The following PCDHA8 variants were observed in gnomAD, a reference collection of about 807,000 sequenced individuals.
The protein encoded by PCDHA8 is protocadherin alpha 8, also known as protocadherin alpha-8.
Under a neutral mutation model 61.8 loss-of-function variants are expected in PCDHA8, and 53 were observed. The observed-to-expected ratio is 0.86, with a 90% CI of 0.69 to 1.08. The LOEUF (loss-of-function observed/expected upper bound fraction) is 1.08, where lower values mean the gene tolerates loss of function less well. PCDHA8 is among the 50% of genes least tolerant of loss of function. The probability of loss-of-function intolerance (pLI) is 0.00; values close to 1 mark genes in which losing one functional copy is unlikely to be tolerated. For missense variants in PCDHA8, 1,293 were observed against 1,245.0 expected, an observed-to-expected ratio of 1.04 and a Z score of -0.58; for synonymous variants, 618 against 556.6, an observed-to-expected ratio of 1.11 and a Z score of -1.55.
At chr5:140,906,693 G>T (rs887867103) in intron 1 of PCDHA8, among the ~76,000 whole-genome samples, 3 of 152,082 alleles carry the variant, frequency 2.0e-5, no homozygotes, top group African/African-American at 7.2e-5. Flanking sequence ...GAAGGATCTG[G>T]GCCATTTGTA....
At chr5:140,850,455 C>T (rs2150484906) in intron 1 of PCDHA8, 1 of 1,597,620 alleles carries the variant, frequency 6.3e-7, no homozygotes, top group Admixed American at 1.7e-5. Context: ...GGTGAAAGAC[C>T]ACGGGGAGCC....
intron 1 of PCDHA8, chr5:140,861,357 G>A (rs560903391): frequency 3.0e-5 from 10 of 335,976 alleles, no homozygotes; most frequent in East Asian, 7.7e-5. Context: ...GGCACATAGC[G>A]TCTTCGCGGT....
At chr5:140,852,188 C>A in intron 1 of PCDHA8, 1 of 732,160 alleles carries the variant, frequency 1.4e-6, no homozygotes, top group Non-Finnish European at 1.7e-6. Flanking sequence ...TATGAAAATG[C>A]CAGTAACGTT....
At chr5:140,938,878 C>T (rs1324581693) in intron 1 of PCDHA8, among the ~76,000 whole-genome samples, 3 of 151,098 alleles carry the variant, frequency 2.0e-5, no homozygotes, top group Admixed American at 1.3e-4. Context: ...TAAGAAGCAA[C>T]ACACACACAC....
intron 3 of PCDHA8, among the ~76,000 whole-genome samples, chr5:140,990,473 C>G (rs1268910696): frequency 6.6e-6 from 1 of 152,186 alleles, no homozygotes; most frequent in Non-Finnish European, 1.5e-5. Flanking sequence ...TATCATGTAT[C>G]AAGCTGAATA....
chr5:140,909,254 G>T (rs915513119), intron 1 of PCDHA8, among the ~76,000 whole-genome samples: 1 of 152,216 alleles, frequency 6.6e-6, no homozygotes, highest in Non-Finnish European at 1.5e-5. Context: ...TGCTGGCCTT[G>T]CTGACTGAAG....
Position 140,947,404 on chromosome 5 carries a change from T to C in PCDHA8, c.2395-31545T>C, listed in dbSNP as rs1305199507. On this transcript the variant is annotated intron_variant, in intron 1 of 3. Transcript: ENST00000531613. ...ATCCTTTCACTAAAAGTAGACTGTC[T>C]TGATATTGTAGCTTTATAAATTTGA... is the stretch of plus-strand genomic sequence containing the variant. Among the ~76,000 whole-genome samples the C allele has an allele frequency of 2.6e-5, 4 of 151,736 alleles. No individual in the cohort carries two copies. In the East Asian group the frequency reaches 5.8e-4, roughly 22 times the overall value.
At chr5:140,914,562 C>A (rs2076761052) in intron 1 of PCDHA8, among the ~76,000 whole-genome samples, 1 of 152,190 alleles carries the variant, frequency 6.6e-6, no homozygotes, top group East Asian at 1.9e-4. Flanking sequence ...AGAGTTTAGT[C>A]CATTTACATT....
chr5:140,981,260 T>C (rs975813904), intron 2 of PCDHA8, among the ~76,000 whole-genome samples: 11 of 152,324 alleles, frequency 7.2e-5, no homozygotes, highest in African/African-American at 2.4e-4. Flanking sequence ...ACTTTCAAGA[T>C]AAGCAAATGT....
chr5:140,941,260 T>TCTTTCTTTCTTC (rs2092990214), intron 1 of PCDHA8, among the ~76,000 whole-genome samples: 2 of 138,280 alleles, frequency 1.4e-5, no homozygotes, highest in Admixed American at 1.5e-4. Flanking sequence ...TCTTTCTCTT[T>TCTTTCTTTCTTC]CTTTCTTTCT....
chr5:140,871,094 T>A, intron 1 of PCDHA8: 3 of 1,613,260 alleles, frequency 1.9e-6, no homozygotes, highest in Non-Finnish European at 2.5e-6. Context: ...ACGGCCACCG[T>A]GCTGGTGTCG....
chr5:140,944,664 T>A (rs2093679523), intron 1 of PCDHA8, among the ~76,000 whole-genome samples: 1 of 152,202 alleles, frequency 6.6e-6, no homozygotes, highest in South Asian at 2.1e-4. Context: ...ACCCCTTATT[T>A]ATCTATTCTG....
At chr5:140,851,846 T>C in intron 1 of PCDHA8, 1 of 970,670 alleles carries the variant, frequency 1.0e-6, no homozygotes, top group Non-Finnish European at 1.2e-6. Context: ...TATCTTTTTC[T>C]CCTCTCAGCT....
rs151299460 is a variant in PCDHA8, at chr5:140,849,914, C to T, written c.2394+6199C>T. On this transcript the variant is annotated intron_variant, in intron 1 of 3. Coordinates refer to ENST00000531613, the MANE Select transcript of PCDHA8 (RefSeq NM_018911.3). ...AGGAGAACAACCCGCCGGGCTGCCA[C>T]ATCTTCACGGTGTCTGCGCGGGACG... is the stretch of plus-strand genomic sequence containing the variant. 4.8e-4 allele frequency: 771 copies of T among 1,598,354 alleles called. 44 individuals are homozygous for T. The African/African-American group carries it at 9.1e-3, about 19-fold the overall frequency.
intron 1 of PCDHA8, chr5:140,852,983 A>T (rs1409156147): frequency 3.0e-6 from 1 of 337,908 alleles, no homozygotes; most frequent in Non-Finnish European, 4.4e-6. Context: ...TGTTCACGCC[A>T]TTCTCCTGCC....
chr5:140,841,339 A>T lies in PCDHA8; in HGVS notation c.18A>T (p.Arg6=). 1 of 1,610,480 alleles carries T rather than the reference A, an allele frequency of 6.2e-7. No homozygotes were observed. Among genetic ancestry groups the T allele is most frequent in the Non-Finnish European group, 8.5e-7 (1 of 1,177,908 alleles). The change falls in exon 1 of 4, where the codon CGA becomes CGT. Residue 6 remains arginine, a synonymous_variant. Coordinates refer to ENST00000531613, the MANE Select transcript of PCDHA8 (RefSeq NM_018911.3). MDYHW[R]GELGSWRLLL... ...TATTTAACATGGATTATCACTGGCG[A>T]GGAGAGCTGGGATCCTGGCGACTAC...
chr5:140,978,680 T>C (rs2096816388), intron 1 of PCDHA8, among the ~76,000 whole-genome samples: 1 of 152,240 alleles, frequency 6.6e-6, no homozygotes, highest in Non-Finnish European at 1.5e-5. Context: ...CAGACATGTA[T>C]TGGGCAAGGC....
rs2150441857 is a variant in PCDHA8 at position 140,849,593 on chromosome 5, G to T, written c.2394+5878G>T. ...CTGTAAAAGAGGACGCACAACTGGGGACAGTTATTGCCCTGATTAGTGTGA... is the reference window on the plus strand; with the variant it reads ...CTGTAAAAGAGGACGCACAACTGGGTACAGTTATTGCCCTGATTAGTGTGA... On this transcript the variant is annotated intron_variant, in intron 1 of 3. Transcript: ENST00000531613. The T allele has an allele frequency of 3.0e-5, 48 of 1,598,606 alleles. 4 individuals carry two copies. Among genetic ancestry groups the T allele is most frequent in the African/African-American group, 1.1e-4 (8 of 74,332 alleles).
chr5:140,987,120 A>G (rs1224513029), intron 3 of PCDHA8, among the ~76,000 whole-genome samples: 9 of 151,956 alleles, frequency 5.9e-5, no homozygotes, highest in African/African-American at 2.2e-4. Context: ...AGGCTGAGGC[A>G]GGAGAATTGC....
Sources: allele counts gnomAD v4.1 joint callset (sites outside exome capture counted in the v4.1 genomes callset), GRCh38; gene constraint gnomAD v4.1.1; transcripts MANE v1.5; gene names NCBI Gene and HGNC (gene_info 2026-07-23, HGNC 2026-07-21).